CLEC16A: variants seen among roughly 807,000 people sequenced by gnomAD.
CLEC16A encodes the protein protein CLEC16A.
A neutral mutation model predicts 109.5 loss-of-function variants in CLEC16A; 51 were observed. The observed-to-expected ratio is 0.47, with a 90% CI of 0.37 to 0.59. The LOEUF (loss-of-function observed/expected upper bound fraction) is 0.59. Among genes scored for constraint, CLEC16A ranks in the 20% least tolerant of loss-of-function variants. CLEC16A has a pLI of 0.00. For missense variants in CLEC16A, 1,339 were observed against 1,394.0 expected (o/e 0.96, Z 0.63); for synonymous variants, 673 against 564.2 (o/e 1.19, Z -2.73).
At chr16:11,106,853 T>A (rs1018292467) in intron 19 of CLEC16A, among the ~76,000 whole-genome samples, 1 of 152,084 alleles carries the variant, frequency 6.6e-6, no homozygotes, top group African/African-American at 2.4e-5. Context: ...ATGCCCAGGG[T>A]CACCACAGCT....
chr16:11,106,235 T>C (rs1007042401), intron 19 of CLEC16A, among the ~76,000 whole-genome samples: 1 of 152,202 alleles, frequency 6.6e-6, no homozygotes, highest in Non-Finnish European at 1.5e-5. Flanking sequence ...GAAAGAATTG[T>C]ATAGTGAACA....
intron 19 of CLEC16A, among the ~76,000 whole-genome samples, chr16:11,067,503 T>G (rs2048837822): frequency 6.6e-6 from 1 of 151,922 alleles, no homozygotes; most frequent in Admixed American, 6.6e-5. Flanking sequence ...GACGGCAGTG[T>G]GGCCACAGAG....
Position 11,178,278 on chromosome 16 carries a change from G to T in CLEC16A, c.2807-57G>T, listed in dbSNP as rs548521235. On this transcript the variant is annotated intron_variant, in intron 23 of 23. Transcript: ENST00000409790. The surrounding 1 kb of genome is among the most constrained non-coding windows in gnomAD (Gnocchi z 6.5). ...GTTCAGGATGGGAGCACAGGGCGCA[G>T]TGCGACGGGGTGTCTCAAGGGCTCA... 1.4e-6 allele frequency: 2 copies of T among 1,480,400 alleles called. No individual in the cohort carries two copies. Among genetic ancestry groups the T allele is most frequent in the East Asian group, 4.6e-5 (2 of 43,808 alleles). The allele number at this position is 1,480,400 out of a possible 1,614,324, so 91.7% of individuals were successfully genotyped here.
chr16:11,152,430 T>G (rs1442249287), intron 22 of CLEC16A, among the ~76,000 whole-genome samples: 1 of 152,184 alleles, frequency 6.6e-6, no homozygotes, highest in Non-Finnish European at 1.5e-5. Flanking sequence ...GATTTGGGGT[T>G]TCTATTTCTG....
chr16:10,995,802 T>C (rs1175334948), intron 10 of CLEC16A, among the ~76,000 whole-genome samples: 1 of 152,170 alleles, frequency 6.6e-6, no homozygotes, highest in Non-Finnish European at 1.5e-5. Context: ...TTTTTGTTAG[T>C]CACCATGGCC....
At chr16:10,965,088 A>G (rs770412648) in intron 3 of CLEC16A, among the ~76,000 whole-genome samples, 3 of 152,122 alleles carry the variant, frequency 2.0e-5, no homozygotes, top group Non-Finnish European at 2.9e-5. Flanking sequence ...CTCTGCTTCT[A>G]TGAATTTGAC....
intron 19 of CLEC16A, chr16:11,066,863 G>A (rs1003895914): frequency 6.6e-6 from 1 of 152,094 alleles, no homozygotes. Context: ...TACTCATCAA[G>A]TACAGAACAG....
At chr16:11,140,918 G>A (rs1413258208) in intron 22 of CLEC16A, among the ~76,000 whole-genome samples, 1 of 152,218 alleles carries the variant, frequency 6.6e-6, no homozygotes, top group Non-Finnish European at 1.5e-5. Context: ...TTTCAAATGG[G>A]GCTGATGATA....
intron 19 of CLEC16A, among the ~76,000 whole-genome samples, chr16:11,088,145 C>T (rs2050112461): frequency 6.6e-6 from 1 of 152,248 alleles, no homozygotes; most frequent in Non-Finnish European, 1.5e-5. Context: ...ACACATGTGG[C>T]CTTGCCCTGT....
chr16:11,164,457 G>C (rs1390770190), intron 22 of CLEC16A, among the ~76,000 whole-genome samples: 2 of 152,194 alleles, frequency 1.3e-5, no homozygotes, highest in African/African-American at 2.4e-5. Context: ...TGAGCCGCAG[G>C]TCCCATCTGT....
chr16:11,120,457 C>G (rs1355209733), intron 19 of CLEC16A, among the ~76,000 whole-genome samples, 158 bp from the exon 20 acceptor site: 1 of 152,228 alleles, frequency 6.6e-6, no homozygotes, highest in African/African-American at 2.4e-5. Context: ...CCCGGCATAA[C>G]TGTCAGAGAA....
chr16:11,061,866 CTCCG>C (rs986677645), intron 19 of CLEC16A, among the ~76,000 whole-genome samples: 1 of 152,180 alleles, frequency 6.6e-6, no homozygotes, highest in African/African-American at 2.4e-5. Context: ...AGCTGCCTTC[CTCCG>C]TCTCCCAACT....
intron 19 of CLEC16A, among the ~76,000 whole-genome samples, chr16:11,074,762 C>T (rs2049257260): frequency 6.6e-6 from 1 of 152,236 alleles, no homozygotes; most frequent in South Asian, 2.1e-4. Context: ...AAAACACACA[C>T]ACACAAATTA....
chr16:11,180,654 C>G lies in CLEC16A; in HGVS notation c.*1964C>G, dbSNP rs973954137. 1 of 152,276 alleles carries G rather than the reference C, an allele frequency of 6.6e-6. No homozygotes were observed. The highest frequency in any genetic ancestry group is 2.4e-5 in the African/African-American group (1 of 41,454). The allele number at this position is 152,276 out of a possible 1,614,324, so 9.4% of individuals were successfully genotyped here. Reference sequence around the variant, plus strand: ...TGGCTAGCCCCTGAGACATGCACTTCTGGTTTTGAAATGACTCTGTCTGTG... The same window carrying G: ...TGGCTAGCCCCTGAGACATGCACTTGTGGTTTTGAAATGACTCTGTCTGTG... On this transcript the variant is annotated 3_prime_UTR_variant, in exon 24 of 24. Transcript: ENST00000409790.
Position 10,968,588 on chromosome 16 carries a change from T to C in CLEC16A, c.344-573T>C, listed in dbSNP as rs76650121. Among the ~76,000 whole-genome samples the C allele has an allele frequency of 4.9e-4, 75 of 152,298 alleles. No homozygotes were observed. In the East Asian group the frequency reaches 0.014, roughly 29 times the overall value. ...CACGGGTAAGTTAACATCTCCGAGA[T>C]GTTTTTGCTCATCTGCAAAATGGGA... On this transcript the variant is annotated intron_variant, in intron 3 of 23. Transcript: ENST00000409790.
chr16:11,018,490 C>A (rs767158927), intron 11 of CLEC16A, among the ~76,000 whole-genome samples: 4 of 151,884 alleles, frequency 2.6e-5, no homozygotes, highest in Non-Finnish European at 5.9e-5. Flanking sequence ...TAGCTCACGC[C>A]TGTAATCCCA....
chr16:11,115,536 T>A (rs369931173), intron 19 of CLEC16A, among the ~76,000 whole-genome samples: 2 of 152,094 alleles, frequency 1.3e-5, no homozygotes, highest in South Asian at 2.1e-4. Flanking sequence ...CTACAGCCAG[T>A]TGATTTTTCT....
At chr16:11,151,607 G>A (rs41357) in intron 22 of CLEC16A, among the ~76,000 whole-genome samples, 102,404 of 152,228 alleles carry the variant, frequency 0.67, 35,277 homozygotes, top group African/African-American at 0.8. Context: ...TCTTGCATCT[G>A]TATAGATGAA....
intron 19 of CLEC16A, among the ~76,000 whole-genome samples, chr16:11,099,878 C>T (rs2050812325): frequency 6.6e-6 from 1 of 152,088 alleles, no homozygotes; most frequent in Admixed American, 6.6e-5. Context: ...AAGTAGAGGC[C>T]CAGAGCCTGT....
Sources: gnomAD v4.1 joint callset for allele counts (sites outside exome capture counted in the v4.1 genomes callset) on GRCh38, gnomAD v4.1.1 for gene constraint, Gnocchi (gnomAD v3.1) non-coding constraint, MANE v1.5 for transcripts, NCBI Gene and HGNC (gene_info 2026-07-23, HGNC 2026-07-21) for gene names.